Variants in BICC1 observed in about 807,000 individuals in gnomAD.
BICC1 encodes BicC family RNA binding protein 1, also known as protein bicaudal C homolog 1.
In BICC1, 43 loss-of-function variants were observed where a neutral mutation model predicts 111.0. That is an observed-to-expected ratio of 0.39 (90% CI 0.30 to 0.50). The LOEUF is 0.50. Among genes scored for constraint, BICC1 ranks in the 20% least tolerant of loss-of-function variants. The probability of loss-of-function intolerance (pLI) is 0.88; values close to 1 mark genes in which losing one functional copy is unlikely to be tolerated. For missense variants in BICC1, 1,091 were observed against 1,203.2 expected (o/e 0.91, Z 1.38); for synonymous variants, 467 against 434.4 (o/e 1.07, Z -0.93).
At chr10:58,697,839 AT>A (rs1405716538) in intron 2 of BICC1, among the ~76,000 whole-genome samples, 1 of 149,902 alleles carries the variant, frequency 6.7e-6, no homozygotes, top group African/African-American at 2.5e-5. Context: ...CAGCCCCCGG[AT>A]GCAATAATCT....
At position 58,630,145 on chromosome 10, in the gene BICC1, C is replaced by T. The variant is rs546240241; in HGVS notation, c.237+9244C>T. Among the ~76,000 whole-genome samples the T allele has an allele frequency of 2.5e-3, 377 of 152,176 alleles. 2 individuals carry two copies. The highest frequency in any genetic ancestry group is 8.4e-3 in the African/African-American group (348 of 41,496). On this transcript the variant is annotated intron_variant, in intron 2 of 20. Transcript: ENST00000373886. ...GCTCTGTGAACTCAGCTGAGCCAGA[C>T]TCATCTCTATTGAGTTAGGAAGCTA... is the stretch of plus-strand genomic sequence containing the variant.
intron 1 of BICC1, among the ~76,000 whole-genome samples, chr10:58,590,533 A>G (rs1453545216): frequency 1.3e-5 from 2 of 152,204 alleles, no homozygotes; most frequent in Non-Finnish European, 2.9e-5. Context: ...TGAAGTGTGT[A>G]TTGAAGAAGG....
At chr10:58,536,993 G>A (rs944266114) in intron 1 of BICC1, among the ~76,000 whole-genome samples, 21 of 151,658 alleles carry the variant, frequency 1.4e-4, no homozygotes, top group African/African-American at 4.8e-4. Flanking sequence ...ACCCTAGCTT[G>A]AGTCAGGAAG....
At chr10:58,827,282 T>C (rs1844426878) in intron 20 of BICC1, among the ~76,000 whole-genome samples, 1 of 152,172 alleles carries the variant, frequency 6.6e-6, no homozygotes, top group African/African-American at 2.4e-5. Flanking sequence ...GTTTACACCA[T>C]TGGAGATGTC....
intron 1 of BICC1, among the ~76,000 whole-genome samples, chr10:58,517,603 A>C (rs2132499830): frequency 6.6e-6 from 1 of 152,360 alleles, no homozygotes; most frequent in East Asian, 1.9e-4. Flanking sequence ...AAGGCTAATA[A>C]ACAGCAAAAA....
intron 3 of BICC1, among the ~76,000 whole-genome samples, chr10:58,761,003 A>G (rs1162541663): frequency 6.6e-6 from 1 of 151,988 alleles, no homozygotes; most frequent in Non-Finnish European, 1.5e-5. Context: ...TTTGTTTATC[A>G]CCCTGCCTGG....
At chr10:58,799,034 T>A (rs1589150144) in intron 11 of BICC1, 22 bp from the exon 12 acceptor site, 1 of 1,482,286 alleles carries the variant, frequency 6.7e-7, no homozygotes, top group African/African-American at 1.4e-5. Context: ...CTAATATCTG[T>A]CATCATAAAA....
chr10:58,722,269 C>T (rs1479692825), intron 3 of BICC1, among the ~76,000 whole-genome samples: 2 of 152,208 alleles, frequency 1.3e-5, no homozygotes, highest in South Asian at 2.1e-4. Context: ...CTATCCATTA[C>T]ATTCTCTTAG....
intron 1 of BICC1, among the ~76,000 whole-genome samples, chr10:58,588,332 C>G (rs1367852831): frequency 6.6e-6 from 1 of 152,088 alleles, no homozygotes; most frequent in Non-Finnish European, 1.5e-5. Context: ...GATGATACAT[C>G]TGGTGGTGGG....
intron 1 of BICC1, among the ~76,000 whole-genome samples, chr10:58,549,838 A>G (rs563758905): frequency 6.6e-6 from 1 of 151,168 alleles, no homozygotes; most frequent in South Asian, 2.1e-4. Context: ...GATGTGCACC[A>G]TTGTGCCCGG....
At chr10:58,802,626 C>A (rs950306097) in intron 14 of BICC1, among the ~76,000 whole-genome samples, 7 of 152,214 alleles carry the variant, frequency 4.6e-5, no homozygotes, top group Non-Finnish European at 8.8e-5. Context: ...CGAATTGGAT[C>A]ATCTACATCC....
At chr10:58,632,920 T>C in intron 2 of BICC1, among the ~76,000 whole-genome samples, 1 of 152,158 alleles carries the variant, frequency 6.6e-6, no homozygotes, top group East Asian at 1.9e-4. Context: ...AAAAATTCTT[T>C]AAGTGAAAGG....
At chr10:58,763,957 G>A (rs1842389060) in intron 3 of BICC1, among the ~76,000 whole-genome samples, 1 of 152,020 alleles carries the variant, frequency 6.6e-6, no homozygotes, top group African/African-American at 2.4e-5. Context: ...GAGAAGACAG[G>A]AAACTAACAA....
At chr10:58,572,402 T>C (rs776702603) in intron 1 of BICC1, among the ~76,000 whole-genome samples, 4 of 152,140 alleles carry the variant, frequency 2.6e-5, no homozygotes, top group Non-Finnish European at 4.4e-5. Context: ...CCTTTCTATG[T>C]CCTGAATGGT....
intron 2 of BICC1, among the ~76,000 whole-genome samples, chr10:58,666,415 A>G (rs1839011733): frequency 6.6e-6 from 1 of 152,192 alleles, no homozygotes. Context: ...ACTCAAATAT[A>G]GAAGTACTGA....
In BICC1 at chr10:58,759,091, C is replaced by T. The variant is rs1301216440; in HGVS notation, c.308-25910C>T. Among the ~76,000 whole-genome samples, 7 of 152,038 alleles carry T rather than the reference C, an allele frequency of 4.6e-5. No individual in the cohort carries two copies. In the East Asian group the frequency reaches 1.4e-3, roughly 29 times the overall value. ...TCTTCTGCCTCAGCCTCCTGAGTAG[C>T]TGGGATTACAGGTGTGTGCCACCAC... On this transcript the variant is annotated intron_variant, in intron 3 of 20. Coordinates refer to ENST00000373886, the MANE Select transcript of BICC1 (RefSeq NM_001080512.3).
At chr10:58,515,736 T>C (rs1013767052) in intron 1 of BICC1, among the ~76,000 whole-genome samples, 2 of 152,192 alleles carry the variant, frequency 1.3e-5, no homozygotes, top group African/African-American at 4.8e-5. Context: ...TTTGCCCATC[T>C]GTAAAATGGA....
chr10:58,814,346 T>C (rs1844016092), intron 18 of BICC1: 3 of 549,646 alleles, frequency 5.5e-6, no homozygotes, highest in Admixed American at 6.7e-5. Context: ...TGCTCTGCCT[T>C]ATTGGATATT....
chr10:58,707,455 C>T (rs548890609), intron 3 of BICC1, among the ~76,000 whole-genome samples: 2 of 151,860 alleles, frequency 1.3e-5, no homozygotes, highest in South Asian at 2.1e-4. Context: ...TAGGTTAGTG[C>T]GTCGCAGCCA....
Sources: gnomAD v4.1 joint callset for allele counts (sites outside exome capture counted in the v4.1 genomes callset) on GRCh38, gnomAD v4.1.1 for gene constraint, MANE v1.5 for transcripts, NCBI Gene and HGNC (gene_info 2026-07-23, HGNC 2026-07-21) for gene names.